The following NAF1 variants were observed in gnomAD, a reference collection of about 807,000 sequenced individuals.
NAF1 encodes the protein nuclear assembly factor 1 ribonucleoprotein.
Under a neutral mutation model 40.6 loss-of-function variants are expected in NAF1, and 11 were observed. The observed-to-expected ratio is 0.27, with a 90% CI of 0.17 to 0.45. The LOEUF (loss-of-function observed/expected upper bound fraction) is 0.45. NAF1 is among the 20% of genes least tolerant of loss of function. The probability of loss-of-function intolerance (pLI) is 1.00; values close to 1 mark genes in which losing one functional copy is unlikely to be tolerated. For missense variants in NAF1, 607 were observed against 611.1 expected, an observed-to-expected ratio of 0.99 and a Z score of 0.07; for synonymous variants, 260 against 228.5, an observed-to-expected ratio of 1.14 and a Z score of -1.24.
At chr4:163,139,831 T>C (rs192785078) in intron 5 of NAF1, among the ~76,000 whole-genome samples, 1 of 152,174 alleles carries the variant, frequency 6.6e-6, no homozygotes, top group East Asian at 1.9e-4. Flanking sequence ...TAAAGTTTTA[T>C]TGAAGAGCAA....
chr4:163,120,989 T>C (rs1730503648), intron 2 of NAF1, among the ~76,000 whole-genome samples: 1 of 152,152 alleles, frequency 6.6e-6, no homozygotes, highest in Admixed American at 6.5e-5. Context: ...CCTCTCGGGT[T>C]CAAGCAATTC....
At position 163,133,359 on chromosome 4, in the gene NAF1, T is replaced by G. The variant is rs552633732; in HGVS notation, c.931-103A>C. 820 of 782,236 alleles carry G rather than the reference T, an allele frequency of 1.0e-3. 1 individual carries two copies. Among genetic ancestry groups the G allele is most frequent in the Non-Finnish European group, 1.3e-3 (657 of 496,112 alleles). 48.5% of individuals were successfully genotyped at this position (782,236 alleles called of 1,614,324 possible). A position where few individuals can be genotyped will look rare whatever the true frequency, so the allele number is the denominator to read the frequency against. ...AATAAGCCTATTATGCATCAATGACTCTAAAAAAAGTTGTCTTTTTGATAC... is the reference window on the plus strand; with the variant it reads ...AATAAGCCTATTATGCATCAATGACGCTAAAAAAAGTTGTCTTTTTGATAC... On this transcript the variant is annotated intron_variant, in intron 6 of 7. Transcript: ENST00000274054.
intron 2 of NAF1, among the ~76,000 whole-genome samples, chr4:163,154,746 C>T (rs1731900760): frequency 6.6e-6 from 1 of 152,158 alleles, no homozygotes; most frequent in Admixed American, 6.5e-5. Context: ...TGGCAGGCAC[C>T]TGTAATCCCA....
chr4:163,126,976 A>T, downstream of NAF1: 2 of 1,549,460 alleles, frequency 1.3e-6, no homozygotes, highest in Non-Finnish European at 8.7e-7. Flanking sequence ...TTTAGACACA[A>T]TGCTATTGCA....
chr4:163,121,119 G>A (rs1175983039), intron 2 of NAF1, among the ~76,000 whole-genome samples: 1 of 152,124 alleles, frequency 6.6e-6, no homozygotes, highest in Non-Finnish European at 1.5e-5. Flanking sequence ...TCGAACTCCT[G>A]ACCTCAAGTG....
chr4:163,166,510 G>A lies in NAF1; in HGVS notation c.218C>T (p.Ala73Val). The change falls in exon 1 of 8, where the codon GCC (alanine) becomes GTC (valine). Residue 73 changes from alanine to valine, a missense_variant. By Grantham distance (64) the Ala-to-Val change is moderately conservative. Coordinates refer to ENST00000274054, the MANE Select transcript of NAF1 (RefSeq NM_138386.3). ...CGGCGCCGGGGTCCCGGCCGCGACG[G>A]CGTTCAGAACGGGCTGCAGAGGCTG... ...GEQPLQPVLN[A>V]VAAGTPAPQP... The A allele has an allele frequency of 6.3e-7, 1 of 1,599,468 alleles. No homozygotes were observed. The highest frequency in any genetic ancestry group is 2.3e-5 in the East Asian group (1 of 44,386).
At chr4:163,107,375 A>G (rs565912078), downstream of NAF1, among the ~76,000 whole-genome samples, 77 of 152,230 alleles carry the variant, frequency 5.1e-4, no homozygotes, top group Non-Finnish European at 9.0e-4. Flanking sequence ...TGCTGAGAGC[A>G]GCCTGTGCTC....
chr4:163,160,044 T>C (rs1732153139), intron 2 of NAF1, among the ~76,000 whole-genome samples: 1 of 152,194 alleles, frequency 6.6e-6, no homozygotes, highest in African/African-American at 2.4e-5. Flanking sequence ...GAGCATCAAC[T>C]GCTGATAAAA....
At chr4:163,127,009 T>G (rs1410797950), downstream of NAF1, 1 of 1,551,508 alleles carries the variant, frequency 6.4e-7, no homozygotes, top group South Asian at 1.2e-5. Context: ...TAAAGTAGCA[T>G]GTAAACGTAA....
In NAF1 at chr4:163,140,272, G is replaced by T. The variant is rs1731207014; in HGVS notation, c.829C>A (p.Pro277Thr). 2 of 1,606,880 alleles carry T rather than the reference G, an allele frequency of 1.2e-6. No individual in the cohort carries two copies. Among genetic ancestry groups the T allele is most frequent in the Admixed American group, 1.7e-5 (1 of 58,750 alleles). The change falls in exon 5 of 8, where the codon CCA (proline) becomes ACA (threonine). Residue 277 changes from proline to threonine, a missense_variant. Transcript: ENST00000274054. ...IKIKETMYFAPSMKDFTQYIF... is the reference protein window; with the variant it reads ...IKIKETMYFATSMKDFTQYIF... ...TATTGAGTGAAATCTTTCATTGATG[G>T]AGCAAAATACATAGTCTCCTTTATT...
chr4:163,151,192 T>C (rs1250020168), intron 2 of NAF1, among the ~76,000 whole-genome samples: 1 of 152,042 alleles, frequency 6.6e-6, no homozygotes, highest in Non-Finnish European at 1.5e-5. Flanking sequence ...ACAGCATGTT[T>C]TTTAGCTAAA....
intron 2 of NAF1, among the ~76,000 whole-genome samples, chr4:163,159,251 A>C (rs1732119661): frequency 6.6e-6 from 1 of 152,116 alleles, no homozygotes; most frequent in African/African-American, 2.4e-5. Context: ...CTTTAATTTA[A>C]AAAACCCTGA....
At chr4:163,104,667 C>T in the NAF1 span, among the ~76,000 whole-genome samples, 9 of 152,224 alleles carry the variant, frequency 5.9e-5, no homozygotes, top group South Asian at 6.2e-4. Flanking sequence ...ACTAATTAGC[C>T]GGTCAGAAAG....
chr4:163,133,109 T>C (rs769268126), intron 7 of NAF1, 45 bp downstream of exon 7: 2 of 1,444,786 alleles, frequency 1.4e-6, no homozygotes, highest in South Asian at 1.2e-5. Flanking sequence ...CTTATATAGA[T>C]GTAAATGAAG....
At chr4:163,113,377 TA>T (rs202157036) in intron 2 of NAF1, among the ~76,000 whole-genome samples, 2,120 of 150,314 alleles carry the variant, frequency 0.014, 33 homozygotes, top group African/African-American at 0.032. Context: ...CCCTTGTTTT[TA>T]TTTTTTTAAT....
At chr4:163,115,197 T>G (rs28728419) in intron 2 of NAF1, among the ~76,000 whole-genome samples, 1 of 116,708 alleles carries the variant, frequency 8.6e-6, no homozygotes, top group Non-Finnish European at 1.7e-5. Flanking sequence ...TATAGGACAA[T>G]AATTTTTTTA....
chr4:163,140,145 G>GA, intron 5 of NAF1, 78 bp downstream of exon 5: 1 of 1,213,270 alleles, frequency 8.2e-7, no homozygotes, highest in South Asian at 1.7e-5. Flanking sequence ...ATAACTGTAA[G>GA]AAATTACATC....
Position 163,164,308 on chromosome 4 carries a change from G to C in NAF1, c.449C>G (p.Pro150Arg). 6.2e-7 allele frequency: 1 copy of C among 1,600,328 alleles called. No homozygotes were observed. The highest frequency in any genetic ancestry group is 1.7e-4 in the Middle Eastern group (1 of 6,040). The change falls in exon 2 of 8, where the codon CCT becomes CGT. Residue 150 changes from proline to arginine, a missense_variant. Pro to Arg is a moderately radical substitution (Grantham distance 103). Coordinates refer to ENST00000274054, the MANE Select transcript of NAF1 (RefSeq NM_138386.3). ...SSSSSSCISL[P>R]PVLSDGDDDL... Reference sequence around the variant, plus strand: ...ATCATCTCCATCTGACAGCACTGGAGGAAGTGATATACAAGAGGAAGAAGA... The same window carrying C: ...ATCATCTCCATCTGACAGCACTGGACGAAGTGATATACAAGAGGAAGAAGA...
intron 2 of NAF1, among the ~76,000 whole-genome samples, chr4:163,149,634 T>A (rs1459016370): frequency 6.6e-6 from 1 of 152,166 alleles, no homozygotes; most frequent in African/African-American, 2.4e-5. Context: ...GTTTTATCCA[T>A]CAGAATTCTT....
Sources: gnomAD v4.1 joint callset for allele counts (sites outside exome capture counted in the v4.1 genomes callset) on GRCh38, gnomAD v4.1.1 for gene constraint, MANE v1.5 for transcripts, NCBI Gene and HGNC (gene_info 2026-07-23, HGNC 2026-07-21) for gene names.